PDGFC: variants seen among roughly 807,000 people sequenced by gnomAD.
PDGFC encodes platelet derived growth factor C.
Under a neutral mutation model 35.5 loss-of-function variants are expected in PDGFC, and 12 were observed. That is an observed-to-expected ratio of 0.34 (90% CI 0.22 to 0.55). PDGFC has a LOEUF of 0.55. Ranked by LOEUF, PDGFC falls within the 20% of genes least tolerant of loss-of-function variation. The pLI is 0.91. For synonymous variants in PDGFC, 159 were observed against 148.8 expected, an observed-to-expected ratio of 1.07 and a Z score of -0.50; for missense variants, 322 against 412.4, an observed-to-expected ratio of 0.78 and a Z score of 1.90.
chr4:156,957,964 T>C (rs1367163228), intron 1 of PDGFC, among the ~76,000 whole-genome samples: 1 of 152,002 alleles, frequency 6.6e-6, no homozygotes, highest in Admixed American at 6.6e-5. Flanking sequence ...GTGCAAATGA[T>C]GCTCATCTTT....
chr4:156,891,170 T>C (rs1730495270), intron 1 of PDGFC, among the ~76,000 whole-genome samples: 1 of 150,658 alleles, frequency 6.6e-6, no homozygotes, highest in African/African-American at 2.4e-5. Context: ...ATTAAACACA[T>C]CTAAACATAA....
At chr4:156,795,873 G>A (rs1731426845) in intron 3 of PDGFC, among the ~76,000 whole-genome samples, 1 of 152,150 alleles carries the variant, frequency 6.6e-6, no homozygotes, top group African/African-American at 2.4e-5. Context: ...TCTGAATCTT[G>A]ACATCAGTTT....
intron 1 of PDGFC, among the ~76,000 whole-genome samples, chr4:156,898,238 C>T (rs765101531): frequency 3.9e-5 from 6 of 152,100 alleles, no homozygotes; most frequent in Non-Finnish European, 7.4e-5. Context: ...CACCAGACAC[C>T]GAATCTGCCA....
At chr4:156,936,467 C>G (rs1297543959) in intron 1 of PDGFC, among the ~76,000 whole-genome samples, 1 of 152,116 alleles carries the variant, frequency 6.6e-6, no homozygotes, top group African/African-American at 2.4e-5. Flanking sequence ...TTAAAAAATA[C>G]AACAACAACA....
chr4:156,945,738 G>C (rs189636784), intron 1 of PDGFC, among the ~76,000 whole-genome samples: 1 of 151,774 alleles, frequency 6.6e-6, no homozygotes, highest in Non-Finnish European at 1.5e-5. Flanking sequence ...AAGCACCTTG[G>C]GAATTTTAAT....
chr4:156,855,243 T>C (rs1277424823), intron 1 of PDGFC, among the ~76,000 whole-genome samples: 1 of 152,138 alleles, frequency 6.6e-6, no homozygotes, highest in Non-Finnish European at 1.5e-5. Context: ...AAGAAGGTGG[T>C]AGTAAGAGAA....
intron 1 of PDGFC, among the ~76,000 whole-genome samples, chr4:156,967,025 TC>T (rs1732482998): frequency 7.0e-6 from 1 of 142,340 alleles, no homozygotes; most frequent in Admixed American, 6.9e-5. Flanking sequence ...GGAAGTTTTT[TC>T]TTTTTTTTTT....
intron 1 of PDGFC, among the ~76,000 whole-genome samples, chr4:156,887,717 A>G (rs1348695143): frequency 6.6e-6 from 1 of 152,198 alleles, no homozygotes; most frequent in Non-Finnish European, 1.5e-5. Context: ...CCACTTTTAA[A>G]AAATATTTTA....
chr4:156,920,844 G>A lies in PDGFC; in HGVS notation c.118+49942C>T, dbSNP rs572337316. On this transcript the variant is annotated intron_variant, in intron 1 of 5. Coordinates refer to ENST00000502773, the MANE Select transcript of PDGFC (RefSeq NM_016205.3). ...GGTTTGGTAGATGGTTCTTTTGTTTGGGAAATATAATCAACAATTTTGAAT... is the reference window on the plus strand; with the variant it reads ...GGTTTGGTAGATGGTTCTTTTGTTTAGGAAATATAATCAACAATTTTGAAT... Among the ~76,000 whole-genome samples the A allele has an allele frequency of 3.3e-5, 5 of 152,254 alleles. No individual in the cohort carries two copies. In the East Asian group the frequency reaches 9.7e-4, roughly 29 times the overall value.
chr4:156,836,135 T>A (rs1729057244), intron 2 of PDGFC: 1 of 152,118 alleles, frequency 6.6e-6, no homozygotes, highest in African/African-American at 2.4e-5. Context: ...AGAGGACAAG[T>A]TTACCCCACA....
chr4:156,863,940 C>A (rs78750167), intron 1 of PDGFC, among the ~76,000 whole-genome samples: 1 of 151,920 alleles, frequency 6.6e-6, no homozygotes, highest in African/African-American at 2.4e-5. Context: ...AAAGTATCTG[C>A]GCATAATTTA....
chr4:156,798,199 A>G (rs888805642), intron 3 of PDGFC, among the ~76,000 whole-genome samples: 16 of 152,140 alleles, frequency 1.1e-4, no homozygotes, highest in Admixed American at 6.5e-5. Flanking sequence ...CACAAAAACA[A>G]AACAAAACAA....
chr4:156,833,820 A>G (rs1729001101), intron 2 of PDGFC, among the ~76,000 whole-genome samples: 2 of 152,174 alleles, frequency 1.3e-5, no homozygotes, highest in African/African-American at 2.4e-5. Flanking sequence ...AATAGGGAAT[A>G]ATGATACCTA....
intron 3 of PDGFC, among the ~76,000 whole-genome samples, chr4:156,794,834 G>A (rs1199022548): frequency 2.0e-5 from 3 of 151,956 alleles, no homozygotes; most frequent in African/African-American, 7.2e-5. Flanking sequence ...TAGCTACTTG[G>A]ATATATATAT....
At position 156,823,427 on chromosome 4, in the gene PDGFC, C is replaced by T. The variant is rs1317926619; in HGVS notation, c.315-12410G>A. ...TAGCATAGTGCCTAGCAATAAGTTA[C>T]TCAGTAAGTGATAGTTTTGTTTTGT... On this transcript the variant is annotated intron_variant, in intron 2 of 5. Coordinates refer to ENST00000502773, the MANE Select transcript of PDGFC (RefSeq NM_016205.3). Among the ~76,000 whole-genome samples the T allele has an allele frequency of 3.3e-5, 5 of 152,138 alleles. No individual in the cohort carries two copies. In the South Asian group the frequency reaches 8.3e-4, roughly 25 times the overall value.
chr4:156,866,934 G>T (rs909803125), intron 1 of PDGFC, among the ~76,000 whole-genome samples: 2 of 152,064 alleles, frequency 1.3e-5, no homozygotes, highest in Non-Finnish European at 2.9e-5. Flanking sequence ...TAATGCTCTG[G>T]AATCATCATC....
At chr4:156,951,738 A>C (rs560322476) in intron 1 of PDGFC, among the ~76,000 whole-genome samples, 339 of 149,902 alleles carry the variant, frequency 2.3e-3, no homozygotes, top group African/African-American at 8.1e-3. Flanking sequence ...ATAGAAAAAA[A>C]AAAAAAAACA....
chr4:156,898,206 A>G (rs1434667827), intron 1 of PDGFC, among the ~76,000 whole-genome samples: 1 of 152,158 alleles, frequency 6.6e-6, no homozygotes, highest in Non-Finnish European at 1.5e-5. Flanking sequence ...GATGGTCATC[A>G]ATGAACTGAG....
At chr4:156,827,382 A>G (rs1728798569) in intron 2 of PDGFC, among the ~76,000 whole-genome samples, 1 of 150,866 alleles carries the variant, frequency 6.6e-6, no homozygotes, top group African/African-American at 2.5e-5. Flanking sequence ...ACGCCACTGC[A>G]CTCCAGCCTG....
Sources: gnomAD v4.1 joint callset for allele counts (sites outside exome capture counted in the v4.1 genomes callset) on GRCh38, gnomAD v4.1.1 for gene constraint, MANE v1.5 for transcripts, NCBI Gene and HGNC (gene_info 2026-07-23, HGNC 2026-07-21) for gene names.